The following USP40 variants were observed in gnomAD, a reference collection of about 807,000 sequenced individuals.
USP40 encodes the protein ubiquitin specific peptidase 40.
In USP40, 143 loss-of-function variants were observed where a neutral mutation model predicts 166.2. The ratio of observed to expected loss-of-function variants is 0.86; its 90% CI spans 0.75 to 0.99. The LOEUF (loss-of-function observed/expected upper bound fraction) is 0.99. Ranked by LOEUF, USP40 falls within the 50% of genes least tolerant of loss-of-function variation. USP40 has a pLI of 0.00. For missense variants in USP40, 1,444 were observed against 1,479.7 expected (o/e 0.98, Z 0.40); for synonymous variants, 498 against 524.0 (o/e 0.95, Z 0.68).
chr2:233,506,940 G>C (rs1175437896), intron 21 of USP40, among the ~76,000 whole-genome samples: 1 of 151,082 alleles, frequency 6.6e-6, no homozygotes, highest in African/African-American at 2.4e-5. Flanking sequence ...GTTAATATCC[G>C]GAATATATTA....
At chr2:233,521,321 C>A (rs1049018311) in intron 16 of USP40, among the ~76,000 whole-genome samples, 1 of 152,130 alleles carries the variant, frequency 6.6e-6, no homozygotes, top group Non-Finnish European at 1.5e-5. Context: ...TTTGATTTAC[C>A]TACATAATTT....
chr2:233,483,512 C>T (rs76922366), intron 30 of USP40, among the ~76,000 whole-genome samples: 1,959 of 152,168 alleles, frequency 0.013, 33 homozygotes, highest in African/African-American at 0.045. Context: ...AAAAGAAATC[C>T]TTAACTTGAA....
intron 26 of USP40, chr2:233,489,720 C>T: frequency 4.5e-6 from 2 of 443,798 alleles, no homozygotes; most frequent in South Asian, 3.5e-5. Context: ...AGTGAGTTCC[C>T]TCTCTCTAAA....
At chr2:233,498,046 C>T (rs1575238435) in intron 23 of USP40, among the ~76,000 whole-genome samples, 1 of 152,310 alleles carries the variant, frequency 6.6e-6, no homozygotes, top group South Asian at 2.1e-4. Context: ...TTTGGACCAA[C>T]AAGATGACCA....
At chr2:233,566,270 A>G (rs946872510) in intron 1 of USP40, among the ~76,000 whole-genome samples, 2 of 152,140 alleles carry the variant, frequency 1.3e-5, no homozygotes, top group Non-Finnish European at 2.9e-5. Flanking sequence ...GGCCTAGGTG[A>G]CTTCCCCAAG....
intron 30 of USP40, chr2:233,481,563 A>G (rs1319852009): frequency 1.0e-5 from 5 of 480,678 alleles, no homozygotes; most frequent in South Asian, 2.4e-5. Flanking sequence ...GTGGCCAAAC[A>G]GGGGGACTTT....
chr2:233,566,525 C>T (rs2125423323), intron 1 of USP40, among the ~76,000 whole-genome samples, 159 bp downstream of exon 1: 1 of 152,368 alleles, frequency 6.6e-6, no homozygotes, highest in South Asian at 2.1e-4. Context: ...AGGCAGAGGT[C>T]CCCGTGGCCC....
At position 233,477,273 on chromosome 2, in the gene USP40, A is replaced by C. The variant is rs2064226720; in HGVS notation, c.*119T>G. 4 of 931,580 alleles carry C rather than the reference A, an allele frequency of 4.3e-6. No individual in the cohort carries two copies. Among genetic ancestry groups the C allele is most frequent in the Admixed American group, 2.0e-5 (1 of 49,788 alleles). 57.7% of individuals were successfully genotyped at this position (931,580 alleles called of 1,614,324 possible). A position where few individuals can be genotyped will look rare whatever the true frequency, so the allele number is the denominator to read the frequency against. On this transcript the variant is annotated 3_prime_UTR_variant, in exon 32 of 32. Coordinates refer to ENST00000678225, the MANE Select transcript of USP40 (RefSeq NM_001365479.2). Reference sequence around the variant, plus strand: ...CCTCAGAGGAGCCGTCCCTGTGCTCAAAGGAAGCAGAGGATTTGGGATTGG... The same window carrying C: ...CCTCAGAGGAGCCGTCCCTGTGCTCCAAGGAAGCAGAGGATTTGGGATTGG...
intron 10 of USP40, among the ~76,000 whole-genome samples, chr2:233,534,726 C>G (rs966708674): frequency 6.6e-6 from 1 of 152,146 alleles, no homozygotes; most frequent in Non-Finnish European, 1.5e-5. Flanking sequence ...AAAGTATCAA[C>G]AACTTGAAAG....
At chr2:233,521,600 G>A (rs923319217) in intron 16 of USP40, among the ~76,000 whole-genome samples, 2 of 152,216 alleles carry the variant, frequency 1.3e-5, no homozygotes, top group East Asian at 1.9e-4. Flanking sequence ...GCAGCCGGCA[G>A]TAGAGTATCT....
In USP40 at chr2:233,498,606, G is replaced by C. The variant is rs769537309; in HGVS notation, c.2657C>G (p.Ala886Gly). ...MLKKSGLQGD[A>G]WHLRKMDWCY... ...CCAATCCATTTTTCGTAAATGCCAG[G>C]CATCTCCTATAAAGGAGTCAAAATT... The change falls in exon 23 of 32, where the codon GCC becomes GGC. Residue 886 changes from alanine to glycine, a missense_variant. By Grantham distance (60) the Ala-to-Gly change is moderately conservative (BLOSUM62 0). Coordinates refer to ENST00000678225, the MANE Select transcript of USP40 (RefSeq NM_001365479.2). 9 of 1,613,026 alleles carry C rather than the reference G, an allele frequency of 5.6e-6. No individual in the cohort carries two copies. Among genetic ancestry groups the C allele is most frequent in the Non-Finnish European group, 6.8e-6 (8 of 1,179,516 alleles).
At position 233,491,154 on chromosome 2, in the gene USP40, G is replaced by A. The variant is rs1400808421; in HGVS notation, c.3012+13C>T. 1.3e-6 allele frequency: 2 copies of A among 1,580,160 alleles called. No homozygotes were observed. On this transcript the variant is annotated intron_variant, in intron 26 of 31. Transcript: ENST00000678225. ...ACATTACCACTAAGTTATGGTGCAG[G>A]AAGAAGTCTGACCTGAGACTTCAGC...
At chr2:233,514,653 G>C (rs1401337489) in intron 18 of USP40, among the ~76,000 whole-genome samples, 1 of 152,200 alleles carries the variant, frequency 6.6e-6, no homozygotes, top group Non-Finnish European at 1.5e-5. Flanking sequence ...CACACGTATT[G>C]ACGATGATCA....
rs1490242142 is a variant in USP40 at position 233,521,117 on chromosome 2, G to A, written c.2202-3C>T. On this transcript the variant is annotated splice_region_variant and splice_polypyrimidine_tract_variant and intron_variant, in intron 16 of 31. Coordinates refer to ENST00000678225, the MANE Select transcript of USP40 (RefSeq NM_001365479.2). The stretch of plus-strand genomic sequence containing the variant: ...ATTTCTCTTCCTTGGTCAACAAGCT[G>A]TAGGTAAAAAGAAAAGATCAGAAAT... 7 of 1,606,890 alleles carry A rather than the reference G, an allele frequency of 4.4e-6. No individual in the cohort carries two copies. Among genetic ancestry groups the A allele is most frequent in the Admixed American group, 3.4e-5 (2 of 58,044 alleles).
At chr2:233,494,852 A>C (rs2065573473) in intron 24 of USP40, among the ~76,000 whole-genome samples, 1 of 142,474 alleles carries the variant, frequency 7.0e-6, no homozygotes, top group Non-Finnish European at 1.5e-5. Flanking sequence ...ACCAAAAAAA[A>C]AACTGTGCAA....
rs200068889 is a variant in USP40 at position 233,524,544 on chromosome 2, C to G, written c.1829G>C (p.Cys610Ser). ...TTCCCCATCAGCAATTTCAGTTTCA[C>G]ACAGTGTCAGTTCATCCCCTAGAAA... ...QSLGGDELTL[C>S]ETEIADGEDI... is the part of the protein sequence containing the mutation. The change falls in exon 15 of 32, where the codon TGT becomes TCT. Residue 610 changes from cysteine (C) to serine (S), a missense_variant. Cys to Ser is a moderately radical substitution (Grantham distance 112, BLOSUM62 -1). Coordinates refer to ENST00000678225, the MANE Select transcript of USP40 (RefSeq NM_001365479.2). 468 of 1,605,450 alleles carry G rather than the reference C, an allele frequency of 2.9e-4. No individual in the cohort carries two copies. Among genetic ancestry groups the G allele is most frequent in the Non-Finnish European group, 3.8e-4 (452 of 1,176,596 alleles).
chr2:233,485,388 T>G, intron 30 of USP40, 143 bp downstream of exon 30: 1 of 723,154 alleles, frequency 1.4e-6, no homozygotes, highest in Non-Finnish European at 2.3e-6. Context: ...GTTGTCCAGT[T>G]TTCCCTCTTT....
At chr2:233,498,243 T>C (rs1321349955) in intron 23 of USP40, among the ~76,000 whole-genome samples, 1 of 152,208 alleles carries the variant, frequency 6.6e-6, no homozygotes, top group Non-Finnish European at 1.5e-5. Context: ...ATCTATAAAA[T>C]TCCTTCATGA....
At chr2:233,497,852 G>A (rs1226578460) in intron 23 of USP40, among the ~76,000 whole-genome samples, 1 of 152,206 alleles carries the variant, frequency 6.6e-6, no homozygotes. Flanking sequence ...CCAGGGCAAG[G>A]CCCCAGCATA....
Sources: gnomAD v4.1 joint callset for allele counts (sites outside exome capture counted in the v4.1 genomes callset) on GRCh38, gnomAD v4.1.1 for gene constraint, MANE v1.5 for transcripts, NCBI Gene and HGNC (gene_info 2026-07-23, HGNC 2026-07-21) for gene names.